NTM: variants seen among roughly 807,000 people sequenced by gnomAD.
The protein encoded by NTM is IgLON family member 2.
Under a neutral mutation model 42.1 loss-of-function variants are expected in NTM, and 13 were observed. The observed-to-expected ratio is 0.31, with a 90% CI of 0.20 to 0.49. NTM has a LOEUF of 0.49. NTM is among the 20% of genes least tolerant of loss of function. The probability of loss-of-function intolerance (pLI) is 0.99; values close to 1 mark genes in which losing one functional copy is unlikely to be tolerated. For missense variants in NTM, 373 were observed against 452.8 expected, an observed-to-expected ratio of 0.82 and a Z score of 1.60; for synonymous variants, 187 against 179.2, an observed-to-expected ratio of 1.04 and a Z score of -0.35.
intron 1 of NTM, among the ~76,000 whole-genome samples, chr11:131,893,026 CT>C (rs1280106791): frequency 1.3e-5 from 2 of 152,154 alleles, no homozygotes; most frequent in African/African-American, 4.8e-5. Context: ...GGGATTCTAC[CT>C]TGTCTGGAAG....
intron 2 of NTM, among the ~76,000 whole-genome samples, chr11:131,955,615 A>G (rs552063617): frequency 2.2e-4 from 34 of 152,314 alleles, no homozygotes; most frequent in Non-Finnish European, 3.5e-4. Context: ...ATATCTTAGG[A>G]AGCCGACTTT....
intron 2 of NTM, among the ~76,000 whole-genome samples, chr11:131,977,307 T>G (rs2064550869): frequency 6.6e-6 from 1 of 152,234 alleles, no homozygotes; most frequent in South Asian, 2.1e-4. Context: ...ACCCCACGTG[T>G]TGTACTGCCA....
intron 2 of NTM, among the ~76,000 whole-genome samples, chr11:131,921,410 A>G (rs1192434393): frequency 6.6e-6 from 1 of 152,152 alleles, no homozygotes; most frequent in African/African-American, 2.4e-5. Context: ...GCCAGGAATT[A>G]GGAAGAGGCA....
At chr11:131,536,693 T>G (rs2052289859) in intron 1 of NTM, 1 of 152,190 alleles carries the variant, frequency 6.6e-6, no homozygotes, top group African/African-American at 2.4e-5. Flanking sequence ...ACATGATGTA[T>G]ACGCATGAAA....
intron 1 of NTM, among the ~76,000 whole-genome samples, chr11:131,449,483 A>T (rs1950318653): frequency 6.6e-6 from 1 of 152,174 alleles, no homozygotes; most frequent in African/African-American, 2.4e-5. Context: ...CTGGTGGCAG[A>T]GTGTGGGCTA....
Position 131,370,818 on chromosome 11 carries a change from C to A in NTM, c.12C>A (p.Ile4=). ...GAAGAAAAAAAATCATGAAAACCATCCAGCCAAAAATGCACAATTCTATCT... is the reference window on the plus strand; with the variant it reads ...GAAGAAAAAAAATCATGAAAACCATACAGCCAAAAATGCACAATTCTATCT... MKT[I]QPKMHNSISW... is the part of the protein sequence containing the mutation. Residue 4 remains isoleucine, a synonymous_variant, in exon 1 of 9, where the codon ATC becomes ATA. Transcript: ENST00000683400. 6.2e-7 allele frequency: 1 copy of A among 1,613,396 alleles called. No individual in the cohort carries two copies. Among genetic ancestry groups the A allele is most frequent in the Non-Finnish European group, 8.5e-7 (1 of 1,179,794 alleles).
At chr11:132,290,228 T>A (rs78773000) in intron 4 of NTM, among the ~76,000 whole-genome samples, 1 of 152,110 alleles carries the variant, frequency 6.6e-6, no homozygotes, top group Non-Finnish European at 1.5e-5. Flanking sequence ...TTAAAAATAA[T>A]AGCAGTAAGA....
intron 2 of NTM, among the ~76,000 whole-genome samples, chr11:132,008,797 A>C (rs1010388460): frequency 2.0e-5 from 3 of 148,924 alleles, no homozygotes; most frequent in African/African-American, 7.4e-5. Context: ...GATTTCAGCA[A>C]CTCAAAGAGC....
At chr11:131,439,835 A>G (rs1949462910) in intron 1 of NTM, among the ~76,000 whole-genome samples, 1 of 152,046 alleles carries the variant, frequency 6.6e-6, no homozygotes, top group Non-Finnish European at 1.5e-5. Flanking sequence ...AACTAGTCCC[A>G]GTGAGATGAA....
chr11:131,671,096 C>T (rs2070135198), intron 1 of NTM, among the ~76,000 whole-genome samples: 1 of 152,154 alleles, frequency 6.6e-6, no homozygotes, highest in South Asian at 2.1e-4. Flanking sequence ...CCTCCCAGCC[C>T]TGTTTCTCTC....
chr11:131,834,312 A>G (rs926166104), intron 1 of NTM, among the ~76,000 whole-genome samples: 2 of 152,004 alleles, frequency 1.3e-5, no homozygotes, highest in African/African-American at 2.4e-5. Flanking sequence ...TTCCACATCT[A>G]TGGGCTTAAC....
chr11:131,688,356 A>G (rs532422647), intron 1 of NTM, among the ~76,000 whole-genome samples: 1 of 152,354 alleles, frequency 6.6e-6, no homozygotes, highest in Non-Finnish European at 1.5e-5. Flanking sequence ...GAGCTTGGAT[A>G]GCACACGCCA....
intron 1 of NTM, among the ~76,000 whole-genome samples, chr11:131,509,675 A>T (rs1673224951): frequency 6.6e-6 from 1 of 152,218 alleles, no homozygotes. Flanking sequence ...ACTGTTTTCT[A>T]GTTCTTTACC....
chr11:131,401,979 A>G (rs886754166), intron 1 of NTM, among the ~76,000 whole-genome samples: 17 of 150,510 alleles, frequency 1.1e-4, no homozygotes, highest in African/African-American at 2.0e-4. Context: ...CTCAGCCATC[A>G]AAGTCTTGGC....
At chr11:131,706,690 A>C (rs2076622888) in intron 1 of NTM, among the ~76,000 whole-genome samples, 1 of 152,062 alleles carries the variant, frequency 6.6e-6, no homozygotes, top group African/African-American at 2.4e-5. Flanking sequence ...AAAATGGGAA[A>C]ATTTACAAAT....
At position 131,876,675 on chromosome 11, in the gene NTM, T is replaced by A. The variant is rs569016421; in HGVS notation, c.83-34889T>A. Among the ~76,000 whole-genome samples the A allele has an allele frequency of 5.3e-5, 8 of 152,280 alleles. No homozygotes were observed. The South Asian group carries it at 8.3e-4, about 16-fold the overall frequency. Reference sequence around the variant, plus strand: ...TGAAGAGATATCACTTATGCTACTCTCCACAGCAACCAGAGCTGAGAGAGG... The same window carrying A: ...TGAAGAGATATCACTTATGCTACTCACCACAGCAACCAGAGCTGAGAGAGG... On this transcript the variant is annotated intron_variant, in intron 1 of 8. Coordinates refer to ENST00000683400, the MANE Select transcript of NTM (RefSeq NM_001352005.2).
intron 1 of NTM, among the ~76,000 whole-genome samples, chr11:131,440,480 C>G (rs138292901): frequency 6.6e-6 from 1 of 152,174 alleles, no homozygotes; most frequent in South Asian, 2.1e-4. Context: ...TGCTTTATTA[C>G]CAAGTGGTTC....
intron 4 of NTM, among the ~76,000 whole-genome samples, chr11:132,230,138 C>G (rs1427556062): frequency 3.3e-5 from 5 of 152,184 alleles, no homozygotes; most frequent in Non-Finnish European, 1.5e-5. Context: ...AGAGAGGAAG[C>G]TGAGCCCTGA....
At chr11:131,776,865 G>A (rs950807020) in intron 1 of NTM, among the ~76,000 whole-genome samples, 5 of 152,154 alleles carry the variant, frequency 3.3e-5, no homozygotes, top group African/African-American at 1.2e-4. Context: ...AGGAAGAGTA[G>A]GAGGCTTTTG....
Sources: allele counts gnomAD v4.1 joint callset (sites outside exome capture counted in the v4.1 genomes callset), GRCh38; gene constraint gnomAD v4.1.1; transcripts MANE v1.5; gene names NCBI Gene and HGNC (gene_info 2026-07-23, HGNC 2026-07-21).